The following C12orf50 variants were observed in gnomAD, a reference collection of about 807,000 sequenced individuals.
C12orf50 encodes the protein zinc finger CCCH-type containing 11D.
In C12orf50, 35 loss-of-function variants were observed where a neutral mutation model predicts 61.6. The observed-to-expected ratio is 0.57, with a 90% CI of 0.43 to 0.75. The LOEUF is 0.75. C12orf50 is among the 30% of genes least tolerant of loss of function. C12orf50 has a pLI of 0.00. For synonymous variants in C12orf50, 178 were observed against 161.5 expected (o/e 1.10, Z -0.77); for missense variants, 475 against 488.5 (o/e 0.97, Z 0.26).
At chr12:87,993,464 C>CAAACAATTACAGCTAGACTA (rs1048267478) in intron 7 of C12orf50, among the ~76,000 whole-genome samples, 1 of 152,098 alleles carries the variant, frequency 6.6e-6, no homozygotes, top group Non-Finnish European at 1.5e-5. Context: ...TCAAGGCAAC[C>CAAACAATTACAGCTAGACTA]AAACAATTAC....
chr12:87,987,858 G>C lies in C12orf50; in HGVS notation c.809C>G (p.Pro270Arg). The C allele has an allele frequency of 6.3e-7, 1 of 1,589,462 alleles. No homozygotes were observed. Among genetic ancestry groups the C allele is most frequent in the South Asian group, 1.1e-5 (1 of 89,742 alleles). ...TAGAGCTAATGTCTCACTTGAAGAG[G>C]GGTCCTCTCTGCACTTCATACTGAT... ...ENISMKCRED[P>R]SSMNDVQPVK... Residue 270 changes from proline to arginine, a missense_variant, in exon 9 of 13, where the codon CCC becomes CGC. Transcript: ENST00000298699.
At chr12:87,985,805 T>C in intron 11 of C12orf50, 45 bp downstream of exon 11, 2 of 1,595,350 alleles carry the variant, frequency 1.3e-6, no homozygotes, top group Non-Finnish European at 8.6e-7. Flanking sequence ...TCCATGGGAA[T>C]GCAAACCACA....
At chr12:87,988,330 C>T (rs191819196) in intron 8 of C12orf50, among the ~76,000 whole-genome samples, 1 of 152,232 alleles carries the variant, frequency 6.6e-6, no homozygotes, top group African/African-American at 2.4e-5. Context: ...CTTTAACTTG[C>T]TATATGCTTT....
At chr12:88,015,925 C>A (rs569639865) in intron 3 of C12orf50, among the ~76,000 whole-genome samples, 3 of 152,084 alleles carry the variant, frequency 2.0e-5, no homozygotes, top group African/African-American at 7.2e-5. Flanking sequence ...CAGTTTTATA[C>A]CCCTAGACAA....
At chr12:88,008,363 A>G (rs895597095) in intron 3 of C12orf50, among the ~76,000 whole-genome samples, 22 of 151,964 alleles carry the variant, frequency 1.4e-4, no homozygotes, top group African/African-American at 5.3e-4. Context: ...ATGGCCTCCA[A>G]CTCCATCCGT....
intron 7 of C12orf50, among the ~76,000 whole-genome samples, chr12:87,993,826 G>T (rs751339489): frequency 6.6e-6 from 1 of 152,156 alleles, no homozygotes; most frequent in Non-Finnish European, 1.5e-5. Flanking sequence ...CTAAAAAGCA[G>T]TTCCAAAATA....
At position 88,026,947 on chromosome 12, in the gene C12orf50, C is replaced by T. The variant is rs753984627; in HGVS notation, c.12+4G>A. On this transcript the variant is annotated splice_donor_region_variant and intron_variant, in intron 2 of 12. Transcript: ENST00000298699. Reference sequence around the variant, plus strand: ...ACAAAAATGATGACGCCAAGTAATTCTACCTGCATTTCCATGTGTCTAAAT... The same window carrying T: ...ACAAAAATGATGACGCCAAGTAATTTTACCTGCATTTCCATGTGTCTAAAT... 6.8e-6 allele frequency: 11 copies of T among 1,608,420 alleles called. No homozygotes were observed. In the South Asian group the frequency reaches 1.2e-4, roughly 18 times the overall value.
chr12:88,000,494 T>C (rs150147068), intron 3 of C12orf50, among the ~76,000 whole-genome samples: 26 of 152,094 alleles, frequency 1.7e-4, no homozygotes, highest in African/African-American at 6.0e-4. Flanking sequence ...AAATTTGGTT[T>C]CCATTTTCCT....
At position 87,994,670 on chromosome 12, in the gene C12orf50, C is replaced by T. The variant is rs762376454; in HGVS notation, c.555G>A (p.Gly185=). ...AAGCAGCAATGTCAGTCTTTGGTTT[C>T]CCATGCAATGATGTTTTTATTTCAC... The part of the protein sequence containing the change: ...RQGEIKTSLH[G]KPKTDIAAFE... The change falls in exon 7 of 13, where the codon GGG becomes GGA. Residue 185 remains glycine, a synonymous_variant. Transcript: ENST00000298699. The T allele has an allele frequency of 3.1e-6, 5 of 1,613,246 alleles. No individual in the cohort carries two copies. The highest frequency in any genetic ancestry group is 8.5e-7 in the Non-Finnish European group (1 of 1,179,478).
chr12:87,983,288 T>C (rs1274781560), intron 11 of C12orf50, 93 bp from the exon 12 acceptor site: 6 of 692,622 alleles, frequency 8.7e-6, no homozygotes, highest in Non-Finnish European at 1.4e-5. Context: ...GGGGTGAAGC[T>C]ATTCTCTAAG....
At chr12:88,028,058 AG>A (rs2032772253) in intron 1 of C12orf50, 1 of 152,212 alleles carries the variant, frequency 6.6e-6, no homozygotes, top group Non-Finnish European at 1.5e-5. Context: ...ATCTGTATAC[AG>A]GAAATAAAAA....
intron 12 of C12orf50, 109 bp from the exon 13 acceptor site, chr12:87,980,465 T>A: frequency 1.1e-6 from 1 of 924,178 alleles, no homozygotes; most frequent in Non-Finnish European, 1.7e-6. Flanking sequence ...AAAGAAAAAC[T>A]AATCTTACTG....
intron 9 of C12orf50, among the ~76,000 whole-genome samples, chr12:87,986,822 T>C (rs1813987401): frequency 6.6e-6 from 1 of 152,128 alleles, no homozygotes; most frequent in Non-Finnish European, 1.5e-5. Context: ...TCTTAAGAAG[T>C]TGGATTAATG....
Position 87,985,857 on chromosome 12 carries a change from G to C in C12orf50, c.1119C>G (p.Leu373=), listed in dbSNP as rs758261617. 1.1e-5 allele frequency: 18 copies of C among 1,612,644 alleles called. No individual in the cohort carries two copies. The South Asian group carries it at 1.9e-4, about 17-fold the overall frequency. ...VHANREPKPN[L]SPDKYTSTSY... ...ATCAACAAAGGACCTCACCTGGACTGAGGTTGGGTTTGGGTTCCCTGTTAG... is the reference window on the plus strand; with the variant it reads ...ATCAACAAAGGACCTCACCTGGACTCAGGTTGGGTTTGGGTTCCCTGTTAG... Residue 373 remains leucine (L), a synonymous_variant, in exon 11 of 13, where the codon CTC becomes CTG. Transcript: ENST00000298699.
intron 3 of C12orf50, among the ~76,000 whole-genome samples, chr12:88,010,903 A>G (rs1329079627): frequency 1.3e-5 from 2 of 152,100 alleles, no homozygotes; most frequent in Non-Finnish European, 2.9e-5. Flanking sequence ...GCTGAATTTG[A>G]CATGTATTAT....
At chr12:88,000,792 C>T (rs2031623638) in intron 3 of C12orf50, among the ~76,000 whole-genome samples, 1 of 151,702 alleles carries the variant, frequency 6.6e-6, no homozygotes, top group Admixed American at 6.6e-5. Context: ...CTCTTTGATG[C>T]TATTGTAAGT....
intron 3 of C12orf50, among the ~76,000 whole-genome samples, chr12:88,010,277 C>T (rs377125809): frequency 2.0e-5 from 3 of 151,902 alleles, no homozygotes; most frequent in African/African-American, 7.2e-5. Flanking sequence ...CTTCTTCAAG[C>T]ATCTCTTGAC....
chr12:88,027,310 C>T (rs1004132253), intron 1 of C12orf50, among the ~76,000 whole-genome samples: 1 of 152,260 alleles, frequency 6.6e-6, no homozygotes, highest in Admixed American at 6.5e-5. Context: ...TGATAAAATG[C>T]TACCTTTTGT....
At chr12:88,016,139 A>G (rs1186965862) in intron 3 of C12orf50, among the ~76,000 whole-genome samples, 2 of 152,128 alleles carry the variant, frequency 1.3e-5, no homozygotes, top group African/African-American at 2.4e-5. Context: ...CAGAAGCCCT[A>G]AAGTTTCACA....
Sources: allele counts gnomAD v4.1 joint callset (sites outside exome capture counted in the v4.1 genomes callset), GRCh38; gene constraint gnomAD v4.1.1; transcripts MANE v1.5; gene names NCBI Gene and HGNC (gene_info 2026-07-23, HGNC 2026-07-21).